Variants in CABIN1 observed in about 807,000 individuals in gnomAD.
The protein encoded by CABIN1 is calcineurin-binding protein cabin-1.
In CABIN1, 133 loss-of-function variants were observed where a neutral mutation model predicts 227.7. That is an observed-to-expected ratio of 0.58 (90% confidence interval 0.51 to 0.67). CABIN1 has a LOEUF of 0.67. CABIN1 is among the 30% of genes least tolerant of loss of function. CABIN1 has a pLI of 0.00. For synonymous variants in CABIN1, 1,086 were observed against 1,155.1 expected, an observed-to-expected ratio of 0.94 and a Z score of 1.21; for missense variants, 2,408 against 2,852.5, an observed-to-expected ratio of 0.84 and a Z score of 3.55.
chr22:24,072,375 G>A lies in CABIN1; in HGVS notation c.2497G>A (p.Val833Met), dbSNP rs1481530226. The A allele has an allele frequency of 1.2e-6, 2 of 1,614,076 alleles. No homozygotes were observed. The highest frequency in any genetic ancestry group is 2.7e-5 in the African/African-American group (2 of 74,920). Reference protein sequence around the residue: ...LIQVIDCSMAVQEEAKEPHVS... With the variant: ...LIQVIDCSMAMQEEAKEPHVS... ...TCAGGTCATTGACTGCAGCATGGCT[G>A]TGCAGGAGGAGGCCAAGGAGCCCCA... The change falls in exon 18 of 37, where the codon GTG becomes ATG. Residue 833 changes from valine (V) to methionine (M), a missense_variant. Transcript: ENST00000263119.
At chr22:24,137,983 T>A (rs922055669) in intron 29 of CABIN1, among the ~76,000 whole-genome samples, 1 of 152,138 alleles carries the variant, frequency 6.6e-6, no homozygotes, top group African/African-American at 2.4e-5. Flanking sequence ...TGCTGGCCCT[T>A]GAGAGGAGAT....
At chr22:24,111,788 T>C (rs2042821982) in intron 26 of CABIN1, among the ~76,000 whole-genome samples, 1 of 152,232 alleles carries the variant, frequency 6.6e-6, no homozygotes, top group Non-Finnish European at 1.5e-5. Flanking sequence ...GTTGAACCAT[T>C]GTAAGTTGGA....
At chr22:24,038,600 AT>A in intron 4 of CABIN1, 139 bp downstream of exon 4, 1 of 689,232 alleles carries the variant, frequency 1.5e-6, no homozygotes, top group Non-Finnish European at 2.6e-6. Context: ...CTCTGCCCCT[AT>A]TTCCCCACCT....
At position 24,178,321 on chromosome 22, in the gene CABIN1, T is replaced by C. The variant is rs111979585; in HGVS notation, c.*125T>C. On this transcript the variant is annotated 3_prime_UTR_variant, in exon 37 of 37. Transcript: ENST00000263119. Reference sequence around the variant, plus strand: ...CCACTCCCCACACAGCCCCCAGGCCTGCCCAGCCCACCTCCTCATGGCATC... The same window carrying C: ...CCACTCCCCACACAGCCCCCAGGCCCGCCCAGCCCACCTCCTCATGGCATC... 3.0e-3 allele frequency: 3,675 copies of C among 1,229,454 alleles called. 73 individuals carry two copies. In the African/African-American group the frequency reaches 0.047, roughly 16 times the overall value. 76.2% of individuals were successfully genotyped at this position (1,229,454 alleles called of 1,614,324 possible).
intron 1 of CABIN1, among the ~76,000 whole-genome samples, chr22:24,017,718 T>C (rs149340302): frequency 2.6e-5 from 4 of 152,338 alleles, no homozygotes; most frequent in African/African-American, 9.6e-5. Flanking sequence ...GAATAATAAA[T>C]GTTTCATTGT....
intron 34 of CABIN1, chr22:24,175,780 C>G (rs1020029333): frequency 4.4e-6 from 2 of 455,972 alleles, no homozygotes; most frequent in East Asian, 4.3e-5. Context: ...ACTGCCCCCC[C>G]ATCCCCTCTC....
At chr22:24,082,333 T>C (rs563237278) in intron 19 of CABIN1, among the ~76,000 whole-genome samples, 1 of 152,200 alleles carries the variant, frequency 6.6e-6, no homozygotes, top group South Asian at 2.1e-4. Context: ...CAAGCGATCC[T>C]CCCACCTCGG....
At chr22:24,038,259 C>T in intron 3 of CABIN1, 89 bp from the exon 4 acceptor site, 1 of 1,011,734 alleles carries the variant, frequency 9.9e-7, no homozygotes, top group Non-Finnish European at 1.6e-6. Flanking sequence ...GTTGGTTCCT[C>T]TGACTGTAGC....
chr22:24,098,327 G>T, intron 26 of CABIN1, 135 bp downstream of exon 26: 1 of 1,532,632 alleles, frequency 6.5e-7, no homozygotes, highest in East Asian at 2.3e-5. Context: ...CAATGTTGCG[G>T]CTGCTCATTA....
intron 6 of CABIN1, among the ~76,000 whole-genome samples, chr22:24,043,714 C>T (rs1310351593): frequency 2.6e-5 from 4 of 152,024 alleles, no homozygotes; most frequent in South Asian, 4.2e-4. Flanking sequence ...GTTGTGCAAT[C>T]GCATTCCTGT....
intron 29 of CABIN1, among the ~76,000 whole-genome samples, chr22:24,152,592 G>C (rs1195028997): frequency 6.6e-6 from 1 of 152,218 alleles, no homozygotes; most frequent in Non-Finnish European, 1.5e-5. Flanking sequence ...CCAACTGGAA[G>C]CTTCAAAGCT....
intron 34 of CABIN1, among the ~76,000 whole-genome samples, chr22:24,173,841 C>A (rs888819248): frequency 6.6e-6 from 1 of 152,030 alleles, no homozygotes; most frequent in African/African-American, 2.4e-5. Context: ...CTAAAAAAAA[C>A]GAACTGCAGT....
chr22:24,056,512 C>T, intron 10 of CABIN1, 152 bp downstream of exon 10: 1 of 771,574 alleles, frequency 1.3e-6, no homozygotes. Flanking sequence ...GCACAAATCT[C>T]ACTGGAGTAG....
intron 28 of CABIN1, among the ~76,000 whole-genome samples, 183 bp downstream of exon 28, chr22:24,119,881 G>C (rs756173140): frequency 2.9e-4 from 44 of 152,250 alleles, no homozygotes; most frequent in Non-Finnish European, 4.7e-4. Context: ...CAGGGAACCT[G>C]GTGGTGAGGG....
At position 24,042,979 on chromosome 22, in the gene CABIN1, C is replaced by A; in HGVS notation, c.421C>A (p.Pro141Thr). The A allele has an allele frequency of 6.2e-7, 1 of 1,613,860 alleles. No individual in the cohort carries two copies. ...GHVALRLIRI[P>T]LARHAFEEGL... ...TGTGGCCCTGAGGCTCATCCGGATC[C>A]CCCTGGCTCGCCATGCTTTTGAGGA... is the stretch of plus-strand genomic sequence containing the variant. The change falls in exon 6 of 37, where the codon CCC (proline) becomes ACC (threonine). Residue 141 changes from proline (P) to threonine (T), a missense_variant. By Grantham distance (38) the Pro-to-Thr change is conservative. Coordinates refer to ENST00000263119, the MANE Select transcript of CABIN1 (RefSeq NM_012295.4).
intron 19 of CABIN1, among the ~76,000 whole-genome samples, chr22:24,080,006 G>A (rs1412764000): frequency 6.6e-6 from 1 of 151,888 alleles, no homozygotes; most frequent in South Asian, 2.1e-4. Flanking sequence ...AGGGATGGGG[G>A]TACTTTTACT....
At chr22:24,091,232 C>A (rs1449806460) in intron 23 of CABIN1, among the ~76,000 whole-genome samples, 1 of 152,214 alleles carries the variant, frequency 6.6e-6, no homozygotes, top group African/African-American at 2.4e-5. Flanking sequence ...TGCCGTAGGG[C>A]TGGGTGCTGA....
At chr22:24,044,508 G>T (rs1271697292) in intron 6 of CABIN1, among the ~76,000 whole-genome samples, 2 of 152,090 alleles carry the variant, frequency 1.3e-5, no homozygotes, top group African/African-American at 4.8e-5. Context: ...TTTGCAATAT[G>T]GATAGACAGA....
chr22:24,092,485 T>C (rs1234156948), intron 24 of CABIN1, among the ~76,000 whole-genome samples: 1 of 152,094 alleles, frequency 6.6e-6, no homozygotes, highest in Admixed American at 6.6e-5. Flanking sequence ...ACCAAGGACA[T>C]TGGTAGAGAT....
Sources: gnomAD v4.1 joint callset for allele counts (sites outside exome capture counted in the v4.1 genomes callset) on GRCh38, gnomAD v4.1.1 for gene constraint, MANE v1.5 for transcripts, NCBI Gene and HGNC (gene_info 2026-07-23, HGNC 2026-07-21) for gene names.